MDN1: variants seen among roughly 807,000 people sequenced by gnomAD.
The protein encoded by MDN1 is midasin.
A neutral mutation model predicts 669.2 loss-of-function variants in MDN1; 266 were observed. That is an observed-to-expected ratio of 0.40 (90% CI 0.36 to 0.44). The LOEUF is 0.44. Among genes scored for constraint, MDN1 ranks in the 20% least tolerant of loss-of-function variants. The pLI is 1.00. For synonymous variants in MDN1, 2,385 were observed against 2,457.1 expected, an observed-to-expected ratio of 0.97 and a Z score of 0.87; for missense variants, 5,940 against 6,754.0, an observed-to-expected ratio of 0.88 and a Z score of 4.22.
At chr6:89,650,924 A>G (rs1310601846) in intron 95 of MDN1, 77 bp from the exon 96 acceptor site, 1 of 1,158,758 alleles carries the variant, frequency 8.6e-7, no homozygotes, top group African/African-American at 1.5e-5. Flanking sequence ...GCAGGCTTTA[A>G]GCAAAGTGGT....
At position 89,764,907 on chromosome 6, in the gene MDN1, G is replaced by A. The variant is rs1817732133; in HGVS notation, c.2145-2377C>T. Among the ~76,000 whole-genome samples the A allele has an allele frequency of 2.6e-5, 4 of 152,192 alleles. No homozygotes were observed. In the South Asian group the frequency reaches 8.3e-4, roughly 32 times the overall value. ...ACTGAGAAGTTCAGTGGAGGAACCT[G>A]AGGAAGAGAGTGAGACCAGACTGGG... On this transcript the variant is annotated intron_variant, in intron 15 of 101. Transcript: ENST00000369393.
At chr6:89,732,323 A>G (rs982126202) in intron 34 of MDN1, among the ~76,000 whole-genome samples, 2 of 151,978 alleles carry the variant, frequency 1.3e-5, no homozygotes, top group African/African-American at 4.8e-5. Flanking sequence ...CTCTACTCAT[A>G]ATCACCACTT....
Position 89,677,683 on chromosome 6 carries a change from G to A in MDN1, c.12426C>T (p.Arg4142=). 1 of 1,614,100 alleles carries A rather than the reference G, an allele frequency of 6.2e-7. No individual in the cohort carries two copies. Among genetic ancestry groups the A allele is most frequent in the Non-Finnish European group, 8.5e-7 (1 of 1,180,004 alleles). ...TTGAACGGGCCCAAGCAAGACCTTT[G>A]CGATACGACAAACCTAGGAAATAAA... ...KHLAKIGLSY[R]KGLAWARSKN... The change falls in exon 76 of 102, where the codon CGC becomes CGT. Residue 4142 remains arginine, a synonymous_variant. Transcript: ENST00000369393.
chr6:89,730,117 C>T (rs1055545731), intron 35 of MDN1, among the ~76,000 whole-genome samples: 1 of 152,148 alleles, frequency 6.6e-6, no homozygotes, highest in South Asian at 2.1e-4. Flanking sequence ...AATCTAACTG[C>T]CTCATTTAAA....
chr6:89,758,375 C>T (rs1400620155), intron 18 of MDN1, 24 bp from the exon 19 acceptor site: 6 of 1,560,008 alleles, frequency 3.8e-6, no homozygotes, highest in Middle Eastern at 3.3e-4. Flanking sequence ...ATTACAAATT[C>T]TCAACAAAGG....
At chr6:89,702,103 C>T (rs751341778) in intron 53 of MDN1, 42 bp from the exon 54 acceptor site, 3 of 1,538,954 alleles carry the variant, frequency 1.9e-6, no homozygotes, top group Admixed American at 4.4e-5. Flanking sequence ...TGAAGAAAGA[C>T]TAAAGCAAGA....
intron 43 of MDN1, 30 bp from the exon 44 acceptor site, chr6:89,716,839 C>T (rs1162063988): frequency 6.4e-7 from 1 of 1,558,476 alleles, no homozygotes; most frequent in East Asian, 2.4e-5. Flanking sequence ...AATCACCATC[C>T]ACAGCACTTA....
intron 1 of MDN1, among the ~76,000 whole-genome samples, chr6:89,815,809 C>T (rs558724350): frequency 1.2e-4 from 18 of 152,286 alleles, no homozygotes; most frequent in Admixed American, 2.6e-4. Context: ...GTCACTCGCC[C>T]ACTGTGTTTC....
At chr6:89,708,729 T>C (rs922810221) in intron 50 of MDN1, 101 bp from the exon 51 acceptor site, 9 of 1,305,462 alleles carry the variant, frequency 6.9e-6, no homozygotes, top group African/African-American at 4.4e-5. Context: ...TTTGAGCACA[T>C]TGAATCATGA....
chr6:89,648,734 G>A (rs1159472889), intron 97 of MDN1, among the ~76,000 whole-genome samples: 3 of 150,442 alleles, frequency 2.0e-5, no homozygotes, highest in Non-Finnish European at 4.4e-5. Context: ...GCTGAGGTAG[G>A]AGGATCACCT....
chr6:89,765,886 CCA>C (rs1474825892), intron 15 of MDN1, among the ~76,000 whole-genome samples: 1 of 152,152 alleles, frequency 6.6e-6, no homozygotes, highest in South Asian at 2.1e-4. Flanking sequence ...ATAATGACTG[CCA>C]CAGAGAGTTA....
At chr6:89,675,415 A>G in intron 78 of MDN1, 49 bp downstream of exon 78, 6 of 1,501,308 alleles carry the variant, frequency 4.0e-6, no homozygotes, top group Non-Finnish European at 5.5e-6. Flanking sequence ...GCTGACTTGG[A>G]TCTAATTCTT....
At chr6:89,784,467 C>T (rs1381832555) in intron 9 of MDN1, among the ~76,000 whole-genome samples, 1 of 152,116 alleles carries the variant, frequency 6.6e-6, no homozygotes, top group African/African-American at 2.4e-5. Flanking sequence ...AGATAAAGCA[C>T]TGGGGAAGGG....
In MDN1 at chr6:89,658,024, A is replaced by G. The variant is rs138760934; in HGVS notation, c.15183+185T>C. 2.9e-3 allele frequency among the ~76,000 whole-genome samples: 441 copies of G among 152,334 alleles called. 1 individual carries two copies. Among genetic ancestry groups the G allele is most frequent in the African/African-American group, 0.01 (419 of 41,582 alleles). ...TTTTTCAGAATGTATCCCTGTCTTT[A>G]AAAAATAACTGTTCAGTCACGCGTT... On this transcript the variant is annotated intron_variant, in intron 90 of 101. Coordinates refer to ENST00000369393, the MANE Select transcript of MDN1 (RefSeq NM_014611.3).
chr6:89,801,437 G>A (rs992538535), intron 2 of MDN1, among the ~76,000 whole-genome samples: 2 of 152,180 alleles, frequency 1.3e-5, no homozygotes. Flanking sequence ...CAGATCACGA[G>A]GTCAGGAGTT....
chr6:89,805,506 C>T lies in MDN1; in HGVS notation c.103-1952G>A, dbSNP rs140761439. Among the ~76,000 whole-genome samples the T allele has an allele frequency of 1.6e-4, 25 of 152,256 alleles. No homozygotes were observed. In the East Asian group the frequency reaches 4.8e-3, roughly 29 times the overall value. ...GCAGTGAGCTGAGATCATGCCACTG[C>T]ACTCCAGCCTGGGTGACAAACAGTT... On this transcript the variant is annotated intron_variant, in intron 1 of 101. Coordinates refer to ENST00000369393, the MANE Select transcript of MDN1 (RefSeq NM_014611.3).
chr6:89,703,168 C>T (rs749148182), intron 53 of MDN1, among the ~76,000 whole-genome samples: 1 of 152,082 alleles, frequency 6.6e-6, no homozygotes, highest in Non-Finnish European at 1.5e-5. Flanking sequence ...AACTCCTAAC[C>T]TCAGGTGATC....
In MDN1 at chr6:89,654,200, G is replaced by A; in HGVS notation, c.15625C>T (p.Pro5209Ser). The A allele has an allele frequency of 1.2e-6, 2 of 1,614,208 alleles. No individual in the cohort carries two copies. Among genetic ancestry groups the A allele is most frequent in the Non-Finnish European group, 1.7e-6 (2 of 1,180,038 alleles). ...GTGGTGCCCGACTTGATTTCCTCTG[G>A]CTTCAGCTGCTCCACGTCTGCTGCT... is the stretch of plus-strand genomic sequence containing the variant. ...FKAADVEQLK[P>S]EEIKSGTTAP... is the part of the protein sequence containing the mutation. Residue 5209 changes from proline (P) to serine (S), a missense_variant, in exon 93 of 102, where the codon CCA becomes TCA. Coordinates refer to ENST00000369393, the MANE Select transcript of MDN1 (RefSeq NM_014611.3).
chr6:89,757,153 A>T lies in MDN1; in HGVS notation c.2703-763T>A, dbSNP rs558777767. Among the ~76,000 whole-genome samples the T allele has an allele frequency of 1.4e-4, 21 of 152,322 alleles. 1 individual carries two copies. The South Asian group carries it at 2.1e-3, about 15-fold the overall frequency. On this transcript the variant is annotated intron_variant, in intron 19 of 101. Coordinates refer to ENST00000369393, the MANE Select transcript of MDN1 (RefSeq NM_014611.3). ...GGATCTAATAAAGTTACTATTTTAAAATTCAAAATGAAGTAAACGGTTACC... is the reference window on the plus strand; with the variant it reads ...GGATCTAATAAAGTTACTATTTTAATATTCAAAATGAAGTAAACGGTTACC...
Sources: allele counts gnomAD v4.1 joint callset (sites outside exome capture counted in the v4.1 genomes callset), GRCh38; gene constraint gnomAD v4.1.1; transcripts MANE v1.5; gene names NCBI Gene and HGNC (gene_info 2026-07-23, HGNC 2026-07-21).